SERPING1: variants seen among roughly 807,000 people sequenced by gnomAD.
SERPING1 encodes the protein plasma protease C1 inhibitor.
A neutral mutation model predicts 34.1 loss-of-function variants in SERPING1; 5 were observed. The observed-to-expected ratio is 0.15, with a 90% CI of 0.08 to 0.31. The LOEUF (loss-of-function observed/expected upper bound fraction) is 0.31, where lower values mean the gene tolerates loss of function less well. SERPING1 is among the 10% of genes least tolerant of loss of function. The probability of loss-of-function intolerance (pLI) is 1.00; values close to 1 mark genes in which losing one functional copy is unlikely to be tolerated. For missense variants in SERPING1, 505 were observed against 609.5 expected, an observed-to-expected ratio of 0.83 and a Z score of 1.81; for synonymous variants, 225 against 242.4, an observed-to-expected ratio of 0.93 and a Z score of 0.67.
Position 57,606,231 on chromosome 11 carries a change from C to T in SERPING1, c.889+18C>T, listed in dbSNP as rs751679597. On this transcript the variant is annotated intron_variant, in intron 5 of 7. Coordinates refer to ENST00000278407, the MANE Select transcript of SERPING1 (RefSeq NM_000062.3). The stretch of plus-strand genomic sequence containing the variant: ...CCTGAGTGGTAAGGGTGCCCTTAGC[C>T]AGTTAGTCTTCCCATTCTGGGTCCT... 4.3e-6 allele frequency: 7 copies of T among 1,613,430 alleles called. No individual in the cohort carries two copies. In the African/African-American group the frequency reaches 6.7e-5, roughly 15 times the overall value.
At position 57,609,437 on chromosome 11, in the gene SERPING1, G is replaced by A. The variant is rs186161226; in HGVS notation, c.1030-2280G>A. ...CCATTAAAAATACAAAAAATAAGCC[G>A]GGTGTGATGGTGCACGCCTGTAATC... On this transcript the variant is annotated intron_variant, in intron 6 of 7. Transcript: ENST00000278407. 3.6e-4 allele frequency among the ~76,000 whole-genome samples: 55 copies of A among 152,152 alleles called. No individual in the cohort carries two copies. In the East Asian group the frequency reaches 4.4e-3, roughly 12 times the overall value.
At chr11:57,600,722 G>A (rs994800630) in intron 3 of SERPING1, among the ~76,000 whole-genome samples, 12 of 152,090 alleles carry the variant, frequency 7.9e-5, no homozygotes, top group African/African-American at 2.7e-4. Context: ...AGGCCAAGGC[G>A]GGTGGATCAC....
At chr11:57,611,553 G>T in intron 6 of SERPING1, 164 bp from the exon 7 acceptor site, 1 of 723,434 alleles carries the variant, frequency 1.4e-6, no homozygotes. Flanking sequence ...TGTTCACCCA[G>T]CTGGTATCCC....
At chr11:57,603,828 G>A (rs1302287564) in intron 4 of SERPING1, among the ~76,000 whole-genome samples, 1 of 129,254 alleles carries the variant, frequency 7.7e-6, no homozygotes, top group African/African-American at 3.0e-5. Flanking sequence ...AACAGAGCGA[G>A]ACACCATCTC....
In SERPING1 at chr11:57,606,451, A is replaced by G. The variant is rs756160299; in HGVS notation, c.933A>G (p.Glu311=). The G allele has an allele frequency of 3.7e-6, 6 of 1,614,036 alleles. No homozygotes were observed. Among genetic ancestry groups the G allele is most frequent in the Admixed American group, 1.7e-5 (1 of 59,994 alleles). Residue 311 remains glutamate, a synonymous_variant, in exon 6 of 8, where the codon GAA becomes GAG. Transcript: ENST00000278407. ...TTFDPKKTRM[E]PFHFKNSVIK... ...TTGATCCCAAGAAAACCAGAATGGA[A>G]CCCTTTCACTTCAAAAACTCAGTTA...
intron 6 of SERPING1, among the ~76,000 whole-genome samples, chr11:57,610,405 G>A (rs972979604): frequency 6.6e-6 from 1 of 152,092 alleles, no homozygotes; most frequent in African/African-American, 2.4e-5. Context: ...GGACTTGAAG[G>A]GCACATGCTA....
chr11:57,613,495 GGTTT>G (rs1344449724), intron 7 of SERPING1, among the ~76,000 whole-genome samples: 1 of 152,140 alleles, frequency 6.6e-6, no homozygotes, highest in Non-Finnish European at 1.5e-5. Flanking sequence ...TACATTTACT[GGTTT>G]ATTATGTAAA....
intron 2 of SERPING1, 99 bp from the exon 3 acceptor site, chr11:57,599,780 A>G (rs776086458): frequency 1.2e-4 from 189 of 1,541,658 alleles, no homozygotes; most frequent in Non-Finnish European, 1.6e-4. Flanking sequence ...CTTGTACAGG[A>G]CATTTTCCAC....
chr11:57,604,668 T>C (rs1041335241), intron 4 of SERPING1, among the ~76,000 whole-genome samples: 4 of 151,884 alleles, frequency 2.6e-5, no homozygotes, highest in Non-Finnish European at 1.5e-5. Flanking sequence ...AAAGGAAAAC[T>C]TTTTTTTAAG....
intron 6 of SERPING1, chr11:57,611,423 C>T (rs958558127): frequency 2.7e-5 from 13 of 486,236 alleles, no homozygotes; most frequent in South Asian, 1.3e-4. Flanking sequence ...AAGGGAACAG[C>T]GCTCAGAGAA....
At chr11:57,603,105 C>A (rs1224115184) in intron 4 of SERPING1, among the ~76,000 whole-genome samples, 2 of 151,874 alleles carry the variant, frequency 1.3e-5, no homozygotes, top group Non-Finnish European at 2.9e-5. Context: ...TGGTGGCAGG[C>A]GCCTATAATC....
At chr11:57,606,699 T>A in intron 6 of SERPING1, 152 bp downstream of exon 6, 1 of 887,164 alleles carries the variant, frequency 1.1e-6, no homozygotes, top group Non-Finnish European at 1.9e-6. Context: ...TTTCTCCTTC[T>A]CCTTTCTCTA....
At position 57,600,119 on chromosome 11, in the gene SERPING1, C is replaced by T. The variant is rs1945331448; in HGVS notation, c.292C>T (p.Pro98Ser). ...TQPTTEPTTQPTIQPTQPTTQ... is the reference protein window; with the variant it reads ...TQPTTEPTTQSTIQPTQPTTQ... ...ACCCACCACAGAGCCCACCACCCAA[C>T]CCACCATCCAACCCACCCAACCAAC... Residue 98 changes from proline to serine, a missense_variant, in exon 3 of 8, where the codon CCC becomes TCC. Coordinates refer to ENST00000278407, the MANE Select transcript of SERPING1 (RefSeq NM_000062.3). The T allele has an allele frequency of 1.4e-6, 2 of 1,474,668 alleles. No homozygotes were observed. The highest frequency in any genetic ancestry group is 1.9e-6 in the Non-Finnish European group (2 of 1,079,620). 91.3% of individuals were successfully genotyped at this position (1,474,668 alleles called of 1,614,324 possible).
In SERPING1 at chr11:57,614,772, G is replaced by A; in HGVS notation, c.*191G>A. On this transcript the variant is annotated 3_prime_UTR_variant, in exon 8 of 8. Coordinates refer to ENST00000278407, the MANE Select transcript of SERPING1 (RefSeq NM_000062.3). Reference sequence around the variant, plus strand: ...TAGCCCTTCTCCATGGCCCTGCCATGCTCTCCAAACCACTTTTTGCAGCTT... The same window carrying A: ...TAGCCCTTCTCCATGGCCCTGCCATACTCTCCAAACCACTTTTTGCAGCTT... 3.2e-6 allele frequency: 2 copies of A among 634,652 alleles called. No homozygotes were observed. Among genetic ancestry groups the A allele is most frequent in the Admixed American group, 3.0e-5 (1 of 33,800 alleles). 39.3% of individuals were successfully genotyped at this position (634,652 alleles called of 1,614,324 possible).
chr11:57,603,309 C>T (rs895543527), intron 4 of SERPING1, among the ~76,000 whole-genome samples: 2 of 150,274 alleles, frequency 1.3e-5, no homozygotes, highest in Admixed American at 1.3e-4. Context: ...TTTGGCAGGC[C>T]GAGGCAGGCG....
In SERPING1 at chr11:57,606,598, G is replaced by A. The variant is rs1414907641; in HGVS notation, c.1029+51G>A. On this transcript the variant is annotated intron_variant, in intron 6 of 7. Coordinates refer to ENST00000278407, the MANE Select transcript of SERPING1 (RefSeq NM_000062.3). ...TGTTTGAAACCTACTTGAGTCTCCT[G>A]ACTTTTTTTCTGCTGTAGTCCCATC... 2.5e-6 allele frequency: 4 copies of A among 1,604,696 alleles called. No homozygotes were observed. In the Admixed American group the frequency reaches 5.0e-5, roughly 20 times the overall value.
At position 57,606,401 on chromosome 11, in the gene SERPING1, C is replaced by G. The variant is rs766325453; in HGVS notation, c.890-7C>G. Reference sequence around the variant, plus strand: ...ATTAGAGCAACCCTCCCACCTCTTCCCTCTAGCCAAGTGGAAGACAACATT... The same window carrying G: ...ATTAGAGCAACCCTCCCACCTCTTCGCTCTAGCCAAGTGGAAGACAACATT... On this transcript the variant is annotated splice_polypyrimidine_tract_variant and splice_region_variant and intron_variant, in intron 5 of 7. Transcript: ENST00000278407. The G allele has an allele frequency of 6.2e-7, 1 of 1,614,148 alleles. No individual in the cohort carries two copies. The highest frequency in any genetic ancestry group is 8.5e-7 in the Non-Finnish European group (1 of 1,180,026).
Position 57,611,773 on chromosome 11 carries a change from C to A in SERPING1, c.1086C>A (p.Asn362Lys), listed in dbSNP as rs765020285. 6.2e-7 allele frequency: 1 copy of A among 1,614,210 alleles called. No homozygotes were observed. Among genetic ancestry groups the A allele is most frequent in the African/African-American group, 1.3e-5 (1 of 75,058 alleles). ...GTTTGGTGATCCTGGTACCCCAGAA[C>A]CTGAAACATCGTCTTGAAGACATGG... ...NLSLVILVPQ[N>K]LKHRLEDMEQ... is the part of the protein sequence containing the mutation. Residue 362 changes from asparagine to lysine, a missense_variant, in exon 7 of 8, where the codon AAC becomes AAA. Coordinates refer to ENST00000278407, the MANE Select transcript of SERPING1 (RefSeq NM_000062.3).
intron 3 of SERPING1, 41 bp downstream of exon 3, chr11:57,600,418 C>T (rs2135308927): frequency 6.2e-7 from 1 of 1,609,214 alleles, no homozygotes; most frequent in Non-Finnish European, 8.5e-7. Flanking sequence ...ATTTGTTGGA[C>T]ACTCCCATAA....
Sources: allele counts gnomAD v4.1 joint callset (sites outside exome capture counted in the v4.1 genomes callset), GRCh38; gene constraint gnomAD v4.1.1; transcripts MANE v1.5; gene names NCBI Gene and HGNC (gene_info 2026-07-23, HGNC 2026-07-21).